Variants in TTN observed in about 807,000 individuals in gnomAD.
TTN encodes the protein titin.
A neutral mutation model predicts 3,223.0 loss-of-function variants in TTN; 1,525 were observed. The ratio of observed to expected loss-of-function variants is 0.47; its 90% CI spans 0.45 to 0.49. TTN has a LOEUF of 0.49. TTN is among the 20% of genes least tolerant of loss of function. The pLI, the probability that TTN is intolerant of heterozygous loss-of-function variation, is 0.00. For missense variants in TTN, 40,786 were observed against 43,424.0 expected, an observed-to-expected ratio of 0.94 and a Z score of 5.40; for synonymous variants, 14,094 against 15,161.0, an observed-to-expected ratio of 0.93 and a Z score of 5.17.
At chr2:178,649,787 A>G in intron 211 of TTN, 30 bp downstream of exon 211, 2 of 1,603,626 alleles carry the variant, frequency 1.2e-6, no homozygotes, top group East Asian at 2.2e-5. Context: ...AGACACCACA[A>G]AAATGAAGTA....
At position 178,689,828 on chromosome 2, in the gene TTN, C is replaced by T. The variant is rs779381234; in HGVS notation, c.31831G>A (p.Ala10611Thr). 2 of 1,611,270 alleles carry T rather than the reference C, an allele frequency of 1.2e-6. No individual in the cohort carries two copies. The highest frequency in any genetic ancestry group is 2.2e-5 in the East Asian group (1 of 44,838). The change falls in exon 122 of 363, where the codon GCT becomes ACT. Residue 10611 changes from alanine (A) to threonine (T), a missense_variant. Coordinates refer to ENST00000589042, the MANE Select transcript of TTN (RefSeq NM_001267550.2). ...IPVPVAKKKE[A>T]PPAKVPEVQK... ...GCCACTGTACCTTTAGCTGGGGGAGCTTCCTTTTTCTTTGCAACAGGAACG... is the reference window on the plus strand; with the variant it reads ...GCCACTGTACCTTTAGCTGGGGGAGTTTCCTTTTTCTTTGCAACAGGAACG...
rs750448649 is a variant in TTN, at chr2:178,647,375, G to A, written c.40141+6C>T. 180 of 1,549,346 alleles carry A rather than the reference G, an allele frequency of 1.2e-4. No homozygotes were observed. The highest frequency in any genetic ancestry group is 1.5e-4 in the Non-Finnish European group (171 of 1,146,296). On this transcript the variant is annotated splice_donor_region_variant and intron_variant, in intron 214 of 362. Coordinates refer to ENST00000589042, the MANE Select transcript of TTN (RefSeq NM_001267550.2). ...TCTTTCCAAGATTTATGGAGAAGCC[G>A]TGTACCTTCAGCAGGTGGAACTTCT...
In TTN at chr2:178,705,387, A is replaced by T. The variant is rs2742342; in HGVS notation, c.29421-30T>A. 0.035 allele frequency: 50,497 copies of T among 1,454,396 alleles called. 1,699 individuals carry two copies. Among genetic ancestry groups the T allele is most frequent in the East Asian group, 0.19 (7,617 of 40,568 alleles). The allele number at this position is 1,454,396 out of a possible 1,614,324, so 90.1% of individuals were successfully genotyped here. A position where few individuals can be genotyped will look rare whatever the true frequency, so the allele number is the denominator to read the frequency against. On this transcript the variant is annotated intron_variant, in intron 102 of 362. Transcript: ENST00000589042. ...ATAAAATTTAAAAAGTAAGGATAAA[A>T]CACCTGTCTTCTACTTATTTTTAAT...
Position 178,590,857 on chromosome 2 carries a change from C to T in TTN, c.60868G>A (p.Val20290Met). 6.2e-7 allele frequency: 1 copy of T among 1,609,958 alleles called. No individual in the cohort carries two copies. The highest frequency in any genetic ancestry group is 8.5e-7 in the Non-Finnish European group (1 of 1,176,694). Residue 20290 changes from valine (V) to methionine (M), a missense_variant, in exon 304 of 363, where the codon GTG becomes ATG. Val to Met is a conservative substitution (Grantham distance 21). Coordinates refer to ENST00000589042, the MANE Select transcript of TTN (RefSeq NM_001267550.2). The stretch of plus-strand genomic sequence containing the variant: ...TCAGATTTTGGCAGGGTCCAAGACA[C>T]TGTTGCTGCATTTTCAGTAATGTCA... ...VTDITENAAT[V>M]SWTLPKSDGG...
intron 237 of TTN, 34 bp downstream of exon 237, chr2:178,631,000 G>T: frequency 6.2e-7 from 1 of 1,612,032 alleles, no homozygotes; most frequent in Non-Finnish European, 8.5e-7. Flanking sequence ...TAACCCCAAT[G>T]CTTCAAGAGT....
chr2:178,746,399 G>T, intron 47 of TTN: 1 of 1,609,320 alleles, frequency 6.2e-7, no homozygotes, highest in South Asian at 1.1e-5. Context: ...AGTAAATTCG[G>T]GAACTGTCAC....
Position 178,579,147 on chromosome 2 carries a change from A to G in TTN, c.67883T>C (p.Val22628Ala). The change falls in exon 320 of 363, where the codon GTT (valine) becomes GCT (alanine). Residue 22628 changes from valine to alanine, a missense_variant. Transcript: ENST00000589042. ...AGKYTITLKN[V>A]AGTKEGTISI... ...GATAGTTCCTTCCTTGGTGCCAGCA[A>G]CATTCTTAAGTGTGATTGTGTATTT... 3.7e-6 allele frequency: 6 copies of G among 1,613,452 alleles called. No individual in the cohort carries two copies. Among genetic ancestry groups the G allele is most frequent in the Non-Finnish European group, 3.4e-6 (4 of 1,179,562 alleles).
rs72648996 is a variant in TTN, at chr2:178,712,006, T to C, written c.27824A>G (p.Tyr9275Cys). The change falls in exon 96 of 363, where the codon TAT becomes TGT. Residue 9275 changes from tyrosine (Y) to cysteine (C), a missense_variant. Transcript: ENST00000589042. ...CACGCTGTTTTCAGCTTTGCAGATA[T>C]ATTCTCCACTATCATTAATATCAAC... ...NQVDINDSGE[Y>C]ICKAENSVGE... is the part of the protein sequence containing the mutation. The C allele has an allele frequency of 5.0e-5, 80 of 1,613,408 alleles. No homozygotes were observed. The highest frequency in any genetic ancestry group is 6.4e-5 in the Non-Finnish European group (76 of 1,179,636).
rs1348349596 is a variant in TTN, at chr2:178,764,639, T to C, written c.9876A>G (p.Gln3292=). Residue 3292 remains glutamine (Q), a synonymous_variant, in exon 42 of 363, where the codon CAA becomes CAG. Transcript: ENST00000589042. ...CTTCAATTAGCAAAAGCGTGTATTC[T>C]TGCCCATCATGAAGAAATTTGCACT... The part of the protein sequence containing the change: ...GFKCKFLHDG[Q]EYTLLLIEAF... The C allele has an allele frequency of 1.9e-6, 3 of 1,614,114 alleles. No homozygotes were observed. The highest frequency in any genetic ancestry group is 3.3e-5 in the Admixed American group (2 of 60,016).
At chr2:178,619,463 C>CACTT (rs762636506) in intron 250 of TTN, 158 bp downstream of exon 250, 1 of 816,126 alleles carries the variant, frequency 1.2e-6, no homozygotes, top group Non-Finnish European at 1.9e-6. Flanking sequence ...TTACTCAAGA[C>CACTT]ACTTACTTTG....
intron 111 of TTN, 140 bp downstream of exon 111, chr2:178,700,980 C>G (rs976856480): frequency 1.7e-6 from 1 of 581,942 alleles, no homozygotes; most frequent in Non-Finnish European, 2.9e-6. Flanking sequence ...TTAGCTAATA[C>G]TTTGAGAAAG....
In TTN at chr2:178,610,170, A is replaced by G. The variant is rs954360499; in HGVS notation, c.51356T>C (p.Phe17119Ser). Reference sequence around the variant, plus strand: ...AACCTTGTTGACTGCTTTAACACGGAAGAAGTATTCACCATTTGGTATGAG... The same window carrying G: ...AACCTTGTTGACTGCTTTAACACGGGAGAAGTATTCACCATTTGGTATGAG... ...KDLIPNGEYF[F>S]RVKAVNKVGG... The change falls in exon 271 of 363, where the codon TTC becomes TCC. Residue 17119 changes from phenylalanine (F) to serine (S), a missense_variant. Transcript: ENST00000589042. The G allele has an allele frequency of 6.2e-7, 1 of 1,613,026 alleles. No homozygotes were observed. Among genetic ancestry groups the G allele is most frequent in the Admixed American group, 1.7e-5 (1 of 59,956 alleles).
chr2:178,784,782 A>C (rs934787782), intron 15 of TTN, among the ~76,000 whole-genome samples: 2 of 152,238 alleles, frequency 1.3e-5, no homozygotes, highest in African/African-American at 2.4e-5. Context: ...GGTTTTAGCC[A>C]CAAATCTATG....
chr2:178,790,950 G>A (rs934813472), intron 10 of TTN, 105 bp from the exon 11 acceptor site: 18 of 1,384,228 alleles, frequency 1.3e-5, no homozygotes, highest in East Asian at 9.7e-5. Flanking sequence ...AGTGGTGAAC[G>A]ATAAAATGTC....
Position 178,608,340 on chromosome 2 carries a change from G to A in TTN, c.52543C>T (p.His17515Tyr). Residue 17515 changes from histidine to tyrosine, a missense_variant, in exon 275 of 363, where the codon CAT (histidine) becomes TAT (tyrosine). His to Tyr is a moderately conservative substitution (Grantham distance 83). Coordinates refer to ENST00000589042, the MANE Select transcript of TTN (RefSeq NM_001267550.2). The part of the protein sequence containing the change: ...WLEKREVNST[H>Y]WSRVNKSLLN... Reference sequence around the variant, plus strand: ...AGGCTTTTGTTGACACGAGACCAATGTGTACTGTTAACTTCACGTTTTTCA... The same window carrying A: ...AGGCTTTTGTTGACACGAGACCAATATGTACTGTTAACTTCACGTTTTTCA... 3 of 1,612,348 alleles carry A rather than the reference G, an allele frequency of 1.9e-6. No homozygotes were observed. The highest frequency in any genetic ancestry group is 2.2e-5 in the East Asian group (1 of 44,556).
chr2:178,751,276 A>T, intron 47 of TTN: 1 of 1,610,236 alleles, frequency 6.2e-7, no homozygotes, highest in Non-Finnish European at 8.5e-7. Context: ...ATGTTTTTCT[A>T]GCCTCCCTTA....
Position 178,595,627 on chromosome 2 carries a change from C to G in TTN, c.57727G>C (p.Ala19243Pro), listed in dbSNP as rs1313667626. ...PVTYTVTRQN[A>P]TVQGLIQGKA... The stretch of plus-strand genomic sequence containing the variant: ...CCTTGAATGAGACCCTGGACAGTAG[C>G]ATTTTGTCGGGTAACTGTATATGTC... The change falls in exon 295 of 363, where the codon GCT becomes CCT. Residue 19243 changes from alanine to proline, a missense_variant. Coordinates refer to ENST00000589042, the MANE Select transcript of TTN (RefSeq NM_001267550.2). 5.0e-6 allele frequency: 8 copies of G among 1,603,012 alleles called. No homozygotes were observed. The highest frequency in any genetic ancestry group is 1.7e-5 in the Admixed American group (1 of 58,648).
chr2:178,793,315 A>C (rs2093609390), intron 9 of TTN, 89 bp downstream of exon 9: 5 of 1,536,382 alleles, frequency 3.3e-6, no homozygotes, highest in Non-Finnish European at 4.4e-6. Flanking sequence ...CATGTGGCCC[A>C]AGGAACAACA....
intron 219 of TTN, 70 bp from the exon 220 acceptor site, chr2:178,641,385 T>G: frequency 3.3e-6 from 3 of 898,754 alleles, no homozygotes; most frequent in Non-Finnish European, 5.0e-6. Flanking sequence ...GCTTGACAAA[T>G]GCAAATAATG....
Sources: allele counts gnomAD v4.1 joint callset (sites outside exome capture counted in the v4.1 genomes callset), GRCh38; gene constraint gnomAD v4.1.1; transcripts MANE v1.5; gene names NCBI Gene and HGNC (gene_info 2026-07-23, HGNC 2026-07-21).